Variants in ANK2 observed in about 807,000 individuals in gnomAD.
ANK2 encodes ankyrin 2.
A neutral mutation model predicts 360.5 loss-of-function variants in ANK2; 83 were observed. The observed-to-expected ratio is 0.23, with a 90% CI of 0.19 to 0.28. The LOEUF (loss-of-function observed/expected upper bound fraction) is 0.28. Among genes scored for constraint, ANK2 ranks in the 10% least tolerant of loss-of-function variants. The pLI is 1.00. For synonymous variants in ANK2, 1,740 were observed against 1,759.5 expected (o/e 0.99, Z 0.28); for missense variants, 4,201 against 4,795.7 (o/e 0.88, Z 3.66).
chr4:112,940,797 A>G (rs1014771110), intron 2 of ANK2, among the ~76,000 whole-genome samples: 17 of 152,188 alleles, frequency 1.1e-4, no homozygotes, highest in African/African-American at 3.9e-4. Flanking sequence ...GAGGCAGCTT[A>G]AAGCTCATTG....
chr4:113,368,014 G>A lies in ANK2; in HGVS notation c.11318+163G>A, dbSNP rs13137710. Among the ~76,000 whole-genome samples, 11,505 of 152,214 alleles carry A rather than the reference G, an allele frequency of 0.076. 619 individuals carry two copies. The highest frequency in any genetic ancestry group is 0.17 in the Middle Eastern group (51 of 294). ...GGAAAAAAAAAGCGTTAACATGTAAGAGACATAATTGTGACAGTGTTTGGG... is the reference window on the plus strand; with the variant it reads ...GGAAAAAAAAAGCGTTAACATGTAAAAGACATAATTGTGACAGTGTTTGGG... On this transcript the variant is annotated intron_variant, in intron 42 of 45. Transcript: ENST00000357077.
At chr4:112,961,842 G>A (rs2034989942) in intron 2 of ANK2, among the ~76,000 whole-genome samples, 1 of 151,354 alleles carries the variant, frequency 6.6e-6, no homozygotes, top group South Asian at 2.1e-4. Context: ...CCATTATAAT[G>A]ACTTGAAAAC....
intron 1 of ANK2, among the ~76,000 whole-genome samples, chr4:113,129,985 A>C (rs185130985): frequency 3.9e-5 from 6 of 152,206 alleles, no homozygotes; most frequent in Non-Finnish European, 2.9e-5. Context: ...AGTTTGAATT[A>C]CTTAGATAAC....
chr4:113,182,762 C>T (rs1435857848), intron 2 of ANK2, among the ~76,000 whole-genome samples: 1 of 152,104 alleles, frequency 6.6e-6, no homozygotes, highest in Non-Finnish European at 1.5e-5. Context: ...GGGGTAAAAG[C>T]TGGACTGGAG....
intron 1 of ANK2, among the ~76,000 whole-genome samples, chr4:113,101,081 A>G (rs999983495): frequency 7.2e-5 from 11 of 152,262 alleles, no homozygotes; most frequent in Non-Finnish European, 1.3e-4. Flanking sequence ...GACACAATGT[A>G]CTTGTCCAAA....
chr4:113,239,359 C>G (rs779316552), intron 7 of ANK2, among the ~76,000 whole-genome samples: 14 of 151,898 alleles, frequency 9.2e-5, no homozygotes, highest in Non-Finnish European at 1.9e-4. Context: ...GCCACCAAAG[C>G]CTATAGATCA....
chr4:113,050,256 G>A (rs1358595698), intron 1 of ANK2, among the ~76,000 whole-genome samples: 1 of 152,182 alleles, frequency 6.6e-6, no homozygotes, highest in East Asian at 1.9e-4. Flanking sequence ...AAGCCTTTTG[G>A]TTTCATGCTA....
chr4:112,784,165 T>C, the ANK2 span, among the ~76,000 whole-genome samples: 7 of 152,058 alleles, frequency 4.6e-5, no homozygotes, highest in Admixed American at 1.3e-4. Flanking sequence ...AATGAGTATG[T>C]TAAAAGCATA....
the ANK2 span, among the ~76,000 whole-genome samples, chr4:112,763,378 G>A: frequency 2.6e-5 from 4 of 151,852 alleles, no homozygotes; most frequent in Non-Finnish European, 4.4e-5. Flanking sequence ...ACAGGTGCCC[G>A]CCACCACGGC....
chr4:112,775,832 G>A, the ANK2 span, among the ~76,000 whole-genome samples: 8 of 152,192 alleles, frequency 5.3e-5, no homozygotes, highest in East Asian at 3.8e-4. Flanking sequence ...AAGGACTGAC[G>A]TCTTGGAGGC....
At position 113,357,241 on chromosome 4, in the gene ANK2, G is replaced by A. The variant is rs1489993415; in HGVS notation, c.8623G>A (p.Glu2875Lys). ...TGCCACATCTTCTATTCAAAAAACA[G>A]AGGTCACAAAAACTGATGAAACATT... is the stretch of plus-strand genomic sequence containing the variant. ...ISATSSIQKT[E>K]VTKTDETFEN... The change falls in exon 38 of 46, where the codon GAG becomes AAG. Residue 2875 changes from glutamate to lysine, a missense_variant. Transcript: ENST00000357077. 1.2e-6 allele frequency: 2 copies of A among 1,613,930 alleles called. No individual in the cohort carries two copies. The highest frequency in any genetic ancestry group is 1.7e-6 in the Non-Finnish European group (2 of 1,180,002).
At chr4:113,364,395 A>C (rs1380616689) in intron 40 of ANK2, among the ~76,000 whole-genome samples, 1 of 152,234 alleles carries the variant, frequency 6.6e-6, no homozygotes, top group Non-Finnish European at 1.5e-5. Context: ...AGCTACTGTC[A>C]CTTCTGAAGT....
intron 4 of ANK2, among the ~76,000 whole-genome samples, chr4:113,205,667 A>AC (rs954964759): frequency 9.9e-5 from 15 of 152,154 alleles, no homozygotes; most frequent in African/African-American, 2.9e-4. Flanking sequence ...CATTGGTTAC[A>AC]CCCCCAGATT....
intron 23 of ANK2, among the ~76,000 whole-genome samples, chr4:113,307,310 A>G (rs2153809607): frequency 6.6e-6 from 1 of 152,120 alleles, no homozygotes; most frequent in Non-Finnish European, 1.5e-5. Context: ...TCCATGTCTC[A>G]GCAGGAATAA....
the ANK2 span, among the ~76,000 whole-genome samples, chr4:112,710,595 G>A: frequency 6.6e-6 from 1 of 151,946 alleles, no homozygotes; most frequent in Non-Finnish European, 1.5e-5. Flanking sequence ...CTACCCGGGA[G>A]GCTGAGGCAG....
the ANK2 span, among the ~76,000 whole-genome samples, chr4:112,809,455 G>A: frequency 1.3e-5 from 2 of 150,884 alleles, no homozygotes; most frequent in African/African-American, 4.9e-5. Flanking sequence ...CAGCTACTCC[G>A]GAGGCTGAGG....
At chr4:113,102,502 A>G (rs1283400656) in intron 1 of ANK2, among the ~76,000 whole-genome samples, 1 of 152,128 alleles carries the variant, frequency 6.6e-6, no homozygotes, top group Non-Finnish European at 1.5e-5. Context: ...GGGCGCATGT[A>G]TAGGCTAAGA....
At chr4:113,007,257 C>T (rs1316812406) in intron 2 of ANK2, among the ~76,000 whole-genome samples, 1 of 152,074 alleles carries the variant, frequency 6.6e-6, no homozygotes, top group Non-Finnish European at 1.5e-5. Flanking sequence ...TCATCTTGTC[C>T]TCTGGGGAAA....
At position 113,100,832 on chromosome 4, in the gene ANK2, C is replaced by T. The variant is rs372179249; in HGVS notation, c.84+51020C>T. ...CAAGCCACAAAAAAATATGCAGCAGCTGTAAGGGCATATGGCTAAGTGAAG... is the reference window on the plus strand; with the variant it reads ...CAAGCCACAAAAAAATATGCAGCAGTTGTAAGGGCATATGGCTAAGTGAAG... On this transcript the variant is annotated intron_variant, in intron 1 of 45. Coordinates refer to ENST00000357077, the MANE Select transcript of ANK2 (RefSeq NM_001148.6). Among the ~76,000 whole-genome samples the T allele has an allele frequency of 3.4e-4, 51 of 152,224 alleles. 1 individual carries two copies. The highest frequency in any genetic ancestry group is 1.0e-3 in the African/African-American group (42 of 41,550).
Sources: allele counts gnomAD v4.1 joint callset (sites outside exome capture counted in the v4.1 genomes callset), GRCh38; gene constraint gnomAD v4.1.1; transcripts MANE v1.5; gene names NCBI Gene and HGNC (gene_info 2026-07-23, HGNC 2026-07-21).